The following C2orf76 variants were observed in gnomAD, a reference collection of about 807,000 sequenced individuals.
C2orf76 encodes UPF0538 protein C2orf76.
In C2orf76, 23 loss-of-function variants were observed where a neutral mutation model predicts 16.9. The observed-to-expected ratio is 1.36, with a 90% confidence interval of 0.98 to 1.93. The LOEUF is 1.93. Ranked by LOEUF, C2orf76 falls within the 30% of genes most tolerant of loss-of-function variation. C2orf76 has a pLI of 0.00. For synonymous variants in C2orf76, 48 were observed against 52.3 expected (o/e 0.92, Z 0.35); for missense variants, 152 against 152.6 (o/e 1.00, Z 0.02).
chr2:119,346,455 A>G (rs1680204571), intron 1 of C2orf76, among the ~76,000 whole-genome samples: 1 of 152,254 alleles, frequency 6.6e-6, no homozygotes, highest in Non-Finnish European at 1.5e-5. Flanking sequence ...ACTAGTCAGT[A>G]ATAAAAATAA....
chr2:119,298,113 T>C (rs548481546), downstream of C2orf76, among the ~76,000 whole-genome samples: 1 of 152,330 alleles, frequency 6.6e-6, no homozygotes, highest in African/African-American at 2.4e-5. Context: ...CTGGCTTGCT[T>C]TTAGTCATTC....
At chr2:119,336,018 C>A (rs1031101822) in intron 2 of C2orf76, among the ~76,000 whole-genome samples, 3 of 152,058 alleles carry the variant, frequency 2.0e-5, no homozygotes, top group Non-Finnish European at 4.4e-5. Flanking sequence ...ATTGGTTTGT[C>A]TAGTATTCTG....
downstream of C2orf76, among the ~76,000 whole-genome samples, chr2:119,299,074 C>A (rs1678577443): frequency 6.6e-6 from 1 of 151,804 alleles, no homozygotes; most frequent in African/African-American, 2.4e-5. Context: ...AATTACCACA[C>A]CCAGCTAATT....
At chr2:119,282,193 C>G in the C2orf76 span, among the ~76,000 whole-genome samples, 2 of 152,100 alleles carry the variant, frequency 1.3e-5, no homozygotes, top group East Asian at 3.9e-4. Flanking sequence ...AGAGGTGTCC[C>G]GAGAAGCCCA....
chr2:119,353,074 T>C (rs1335085985), intron 1 of C2orf76, among the ~76,000 whole-genome samples: 1 of 152,160 alleles, frequency 6.6e-6, no homozygotes, highest in Non-Finnish European at 1.5e-5. Flanking sequence ...AATCACTGAA[T>C]ATGCAAATGA....
At chr2:119,308,969 T>C (rs905442834) in intron 5 of C2orf76, among the ~76,000 whole-genome samples, 1 of 152,198 alleles carries the variant, frequency 6.6e-6, no homozygotes, top group African/African-American at 2.4e-5. Flanking sequence ...CTTTTTCATG[T>C]CTGCTAATCT....
chr2:119,321,866 A>ATATATG (rs996107958), intron 2 of C2orf76, among the ~76,000 whole-genome samples: 1 of 151,844 alleles, frequency 6.6e-6, no homozygotes, highest in Non-Finnish European at 1.5e-5. Flanking sequence ...ATATATATAT[A>ATATATG]TATAGCTGAT....
chr2:119,328,733 A>G (rs1481970173), intron 2 of C2orf76, among the ~76,000 whole-genome samples: 1 of 152,162 alleles, frequency 6.6e-6, no homozygotes, highest in Non-Finnish European at 1.5e-5. Flanking sequence ...TTAGTACTAT[A>G]GACTTTCTTT....
At chr2:119,297,285 C>T (rs1392358516), downstream of C2orf76, among the ~76,000 whole-genome samples, 1 of 152,170 alleles carries the variant, frequency 6.6e-6, no homozygotes, top group African/African-American at 2.4e-5. Flanking sequence ...CAGTGTCTGA[C>T]ACACAATGGT....
At chr2:119,297,273 TAC>T (rs1444523299), downstream of C2orf76, among the ~76,000 whole-genome samples, 9 of 152,210 alleles carry the variant, frequency 5.9e-5, no homozygotes, top group African/African-American at 1.2e-4. Context: ...ATAAAATACA[TAC>T]AGTGTCTGAC....
chr2:119,350,074 C>A (rs1268394837), intron 1 of C2orf76, among the ~76,000 whole-genome samples: 1 of 95,250 alleles, frequency 1.0e-5, no homozygotes, highest in Non-Finnish European at 2.4e-5. Flanking sequence ...ACACCGCCCC[C>A]CGCCCCCCCA....
downstream of C2orf76, among the ~76,000 whole-genome samples, chr2:119,301,728 T>C (rs115377116): frequency 0.031 from 4,779 of 152,284 alleles, 91 homozygotes; most frequent in South Asian, 0.08. Flanking sequence ...AGAAGGAATG[T>C]ATCTTCCAGG....
At chr2:119,317,422 T>C (rs1295578383) in intron 4 of C2orf76, 44 bp downstream of exon 4, 4 of 1,429,356 alleles carry the variant, frequency 2.8e-6, no homozygotes, top group East Asian at 2.4e-5. Flanking sequence ...TCAACCAACA[T>C]TGATTACTTG....
At chr2:119,327,182 A>G (rs1272560070) in intron 2 of C2orf76, among the ~76,000 whole-genome samples, 1 of 152,174 alleles carries the variant, frequency 6.6e-6, no homozygotes, top group Non-Finnish European at 1.5e-5. Context: ...GATGTTAGGC[A>G]ACAGTTTTTC....
intron 1 of C2orf76, among the ~76,000 whole-genome samples, chr2:119,342,274 T>C (rs1680056049): frequency 6.6e-6 from 1 of 152,136 alleles, no homozygotes; most frequent in African/African-American, 2.4e-5. Flanking sequence ...TCCTGTACTA[T>C]CATTTATACA....
chr2:119,301,567 A>G (rs889056490), downstream of C2orf76, among the ~76,000 whole-genome samples: 1 of 151,636 alleles, frequency 6.6e-6, no homozygotes, highest in African/African-American at 2.4e-5. Flanking sequence ...GAGCTGGCTA[A>G]GCTCTCCAGG....
rs912703963 is a variant in C2orf76 at position 119,328,029 on chromosome 2, CT to C, written c.134-6826del. On this transcript the variant is annotated intron_variant, in intron 2 of 5. Transcript: ENST00000334816. ...AGTTGAAAAATATTCTGCCCCCCTC[CT>C]TTTTTTTTTCTTAAGAGACAGTATC... 2.4e-4 allele frequency among the ~76,000 whole-genome samples: 35 copies of C among 148,738 alleles called. 2 individuals carry two copies. The South Asian group carries it at 5.8e-3, about 25-fold the overall frequency.
At position 119,342,480 on chromosome 2, in the gene C2orf76, C is replaced by T. The variant is rs185512033; in HGVS notation, c.-12-2509G>A. 3.5e-3 allele frequency among the ~76,000 whole-genome samples: 539 copies of T among 151,984 alleles called. 5 individuals are homozygous for T. Among genetic ancestry groups the T allele is most frequent in the African/African-American group, 0.012 (512 of 41,482 alleles). On this transcript the variant is annotated intron_variant, in intron 1 of 5. Transcript: ENST00000334816. The stretch of plus-strand genomic sequence containing the variant: ...AAAAAAAATTAGCCAGGCATGGTGG[C>T]GGGTTCCTGAAATCCCAGCTACTCT...
Position 119,306,767 on chromosome 2 carries a change from T to C in C2orf76, c.305-4219A>G, listed in dbSNP as rs548953875. ...ATCAAATCTTTTTGAAGTACGTATTTTCGTACTGGGTCCACAAGCAAAAAC... is the reference window on the plus strand; with the variant it reads ...ATCAAATCTTTTTGAAGTACGTATTCTCGTACTGGGTCCACAAGCAAAAAC... On this transcript the variant is annotated intron_variant, in intron 5 of 5. Transcript: ENST00000334816. 3.1e-5 allele frequency among the ~76,000 whole-genome samples: 3 copies of C among 97,712 alleles called. No homozygotes were observed. The East Asian group carries it at 9.6e-4, about 31-fold the overall frequency. 64.1% of individuals were successfully genotyped at this position (97,712 alleles called of 152,430 possible).
Sources: gnomAD v4.1 joint callset for allele counts (sites outside exome capture counted in the v4.1 genomes callset) on GRCh38, gnomAD v4.1.1 for gene constraint, MANE v1.5 for transcripts, NCBI Gene and HGNC (gene_info 2026-07-23, HGNC 2026-07-21) for gene names.